The following SEC22A variants were observed in gnomAD, a reference collection of about 807,000 sequenced individuals.
The protein encoded by SEC22A is vesicle-trafficking protein SEC22a.
SEC22A carries 22 observed loss-of-function variants against 35.3 expected under a neutral mutation model. The observed-to-expected ratio is 0.62, with a 90% CI of 0.45 to 0.89. The LOEUF is 0.89. Among genes scored for constraint, SEC22A ranks in the 40% least tolerant of loss-of-function variants. The pLI is 0.00. For missense variants in SEC22A, 354 were observed against 362.5 expected, an observed-to-expected ratio of 0.98 and a Z score of 0.19; for synonymous variants, 119 against 129.5, an observed-to-expected ratio of 0.92 and a Z score of 0.55.
intron 2 of SEC22A, among the ~76,000 whole-genome samples, chr3:123,222,443 C>T (rs1241201019): frequency 6.6e-6 from 1 of 152,146 alleles, no homozygotes; most frequent in Non-Finnish European, 1.5e-5. Context: ...AGATGATCCG[C>T]CCACCTCGGC....
intron 1 of SEC22A, among the ~76,000 whole-genome samples, chr3:123,204,994 G>C (rs1936827157): frequency 6.6e-6 from 1 of 152,110 alleles, no homozygotes; most frequent in Non-Finnish European, 1.5e-5. Context: ...ACCTAGCTTA[G>C]GCCTGACATG....
chr3:123,226,411 CG>C (rs1192071747), intron 4 of SEC22A, among the ~76,000 whole-genome samples: 2 of 152,148 alleles, frequency 1.3e-5, no homozygotes, highest in African/African-American at 2.4e-5. Flanking sequence ...AATGATGTCT[CG>C]TTGTAGTTTT....
intron 2 of SEC22A, among the ~76,000 whole-genome samples, 166 bp downstream of exon 2, chr3:123,209,565 T>C (rs949643667): frequency 1.3e-5 from 2 of 152,232 alleles, no homozygotes; most frequent in African/African-American, 4.8e-5. Context: ...AGCAGCCTTT[T>C]TGTAGTTTCT....
intron 4 of SEC22A, 73 bp downstream of exon 4, chr3:123,225,370 T>TTACTTTATTCTA (rs1937203051): frequency 2.2e-6 from 2 of 892,370 alleles, no homozygotes; most frequent in Non-Finnish European, 3.4e-6. Context: ...TGAAAATGAA[T>TTACTTTATTCTA]TACTTTATTC....
At chr3:123,236,046 TG>T (rs1937413563) in intron 4 of SEC22A, among the ~76,000 whole-genome samples, 3 of 152,080 alleles carry the variant, frequency 2.0e-5, no homozygotes, top group African/African-American at 7.2e-5. Context: ...GCTAGAGGAA[TG>T]GAGGGAAATA....
intron 2 of SEC22A, among the ~76,000 whole-genome samples, chr3:123,212,538 T>G (rs989732577): frequency 6.6e-6 from 1 of 152,146 alleles, no homozygotes; most frequent in African/African-American, 2.4e-5. Context: ...TTTGCAATTT[T>G]TTTTCTTTTG....
At chr3:123,235,473 C>G (rs1000109860) in intron 4 of SEC22A, among the ~76,000 whole-genome samples, 2 of 152,110 alleles carry the variant, frequency 1.3e-5, no homozygotes, top group African/African-American at 2.4e-5. Flanking sequence ...AGCAAAATTA[C>G]AAGTAGATGC....
intron 2 of SEC22A, among the ~76,000 whole-genome samples, chr3:123,212,611 G>A (rs990279708): frequency 1.6e-4 from 25 of 151,746 alleles, no homozygotes; most frequent in Middle Eastern, 3.4e-3. Context: ...AAAATGTAAC[G>A]TTTTAACATC....
intron 4 of SEC22A, among the ~76,000 whole-genome samples, chr3:123,234,678 G>T (rs1264198854): frequency 6.6e-6 from 1 of 152,082 alleles, no homozygotes; most frequent in Non-Finnish European, 1.5e-5. Context: ...ATAAATCTTT[G>T]TATAATCTTA....
chr3:123,237,311 A>T (rs557036898), intron 4 of SEC22A, among the ~76,000 whole-genome samples: 12 of 150,792 alleles, frequency 8.0e-5, no homozygotes, highest in African/African-American at 2.9e-4. Context: ...ATTAGGATAG[A>T]GAAAAATGTG....
rs961087229 is a variant in SEC22A, at chr3:123,261,574, G to T, written c.723+1985G>T. Among the ~76,000 whole-genome samples the T allele has an allele frequency of 3.1e-5, 3 of 98,294 alleles. No homozygotes were observed. In the Admixed American group the frequency reaches 3.1e-4, roughly 10 times the overall value. The allele number at this position is 98,294 out of a possible 152,430, so 64.5% of individuals were successfully genotyped here. On this transcript the variant is annotated intron_variant, in intron 6 of 6. Transcript: ENST00000492595. ...TCTCATTTGATTTTTATCTAAAACT[G>T]TGAGGTATTTAATATAATTTTATGA...
intron 1 of SEC22A, among the ~76,000 whole-genome samples, chr3:123,203,065 T>C (rs1576480171): frequency 4.9e-5 from 6 of 122,240 alleles, no homozygotes; most frequent in Non-Finnish European, 1.8e-5. Context: ...TTTTTTTTTT[T>C]TTTTTTTTTT....
intron 6 of SEC22A, among the ~76,000 whole-genome samples, chr3:123,262,381 A>G (rs915539480): frequency 1.3e-5 from 2 of 152,232 alleles, no homozygotes; most frequent in Non-Finnish European, 2.9e-5. Flanking sequence ...CAGTATACTT[A>G]GAGTCATCAA....
intron 2 of SEC22A, among the ~76,000 whole-genome samples, chr3:123,212,438 G>T (rs1936953189): frequency 1.3e-5 from 2 of 152,010 alleles, no homozygotes; most frequent in Non-Finnish European, 2.9e-5. Flanking sequence ...AGTTTTATTT[G>T]TGAATGTATA....
chr3:123,242,647 T>C (rs9810892), intron 4 of SEC22A, among the ~76,000 whole-genome samples: 31,360 of 152,140 alleles, frequency 0.21, 3,330 homozygotes, highest in Middle Eastern at 0.28. Context: ...TGTAGAACTG[T>C]AGAAAGAGCA....
intron 5 of SEC22A, among the ~76,000 whole-genome samples, chr3:123,246,655 T>C (rs1178906665): frequency 1.3e-5 from 2 of 152,236 alleles, no homozygotes; most frequent in East Asian, 1.9e-4. Context: ...TTTTCTCTTA[T>C]GCTTTTTGTA....
At position 123,221,569 on chromosome 3, in the gene SEC22A, T is replaced by C. The variant is rs182994878; in HGVS notation, c.183-1990T>C. Among the ~76,000 whole-genome samples the C allele has an allele frequency of 1.7e-3, 258 of 151,640 alleles. 1 individual carries two copies. Among genetic ancestry groups the C allele is most frequent in the Admixed American group, 6.2e-3 (94 of 15,212 alleles). On this transcript the variant is annotated intron_variant, in intron 2 of 6. Transcript: ENST00000492595. ...CCTGCATGCTGTTTACTGCCCCTGATCTAGACCAGCTATATTGACAGTGCT... is the reference window on the plus strand; with the variant it reads ...CCTGCATGCTGTTTACTGCCCCTGACCTAGACCAGCTATATTGACAGTGCT...
Position 123,271,946 on chromosome 3 carries a change from C to T in SEC22A, c.*224C>T. ...TCATTCAGAGGAGGAGGGGATTTCT[C>T]TCTTCAAGGCCGTAACAGTGGAAGA... is the stretch of plus-strand genomic sequence containing the variant. On this transcript the variant is annotated 3_prime_UTR_variant, in exon 7 of 7. Coordinates refer to ENST00000492595, the MANE Select transcript of SEC22A (RefSeq NM_012430.5). 1 of 564,800 alleles carries T rather than the reference C, an allele frequency of 1.8e-6. No individual in the cohort carries two copies. The highest frequency in any genetic ancestry group is 3.2e-6 in the Non-Finnish European group (1 of 316,784). The allele number at this position is 564,800 out of a possible 1,614,324, so 35.0% of individuals were successfully genotyped here.
At position 123,273,219 on chromosome 3, in the gene SEC22A, CTTG is replaced by C. The variant is rs1299883330; in HGVS notation, c.*1500_*1502del. The C allele has an allele frequency of 6.6e-6, 1 of 152,142 alleles. No homozygotes were observed. The highest frequency in any genetic ancestry group is 1.5e-5 in the Non-Finnish European group (1 of 68,012). 9.4% of individuals were successfully genotyped at this position (152,142 alleles called of 1,614,324 possible). ...AGAGGGTAAAAAGTTAGTGAACTGT[CTTG>C]TTTGCGTGAACCAGTATTTGTGGAT... is the stretch of plus-strand genomic sequence containing the variant. On this transcript the variant is annotated 3_prime_UTR_variant, in exon 7 of 7. Coordinates refer to ENST00000492595, the MANE Select transcript of SEC22A (RefSeq NM_012430.5).
Sources: gnomAD v4.1 joint callset for allele counts (sites outside exome capture counted in the v4.1 genomes callset) on GRCh38, gnomAD v4.1.1 for gene constraint, MANE v1.5 for transcripts, NCBI Gene and HGNC (gene_info 2026-07-23, HGNC 2026-07-21) for gene names.